Variants in FAM120C observed in about 807,000 individuals in gnomAD.
The protein encoded by FAM120C is constitutive coactivator of PPAR-gamma-like protein 2.
In FAM120C, 14 loss-of-function variants were observed where a neutral mutation model predicts 71.2. That is an observed-to-expected ratio of 0.20 (90% CI 0.13 to 0.31). The LOEUF (loss-of-function observed/expected upper bound fraction) is 0.31. Ranked by LOEUF, FAM120C falls within the 10% of genes least tolerant of loss-of-function variation. The pLI, the probability that FAM120C is intolerant of heterozygous loss-of-function variation, is 1.00. For missense variants in FAM120C, 500 were observed against 879.0 expected, an observed-to-expected ratio of 0.57 and a Z score of 5.45; for synonymous variants, 354 against 353.2, an observed-to-expected ratio of 1.00 and a Z score of -0.03.
At chrX:54,132,636 G>C in intron 9 of FAM120C, 56 bp downstream of exon 9, 1 of 1,030,332 alleles carries the variant, frequency 9.7e-7, no homozygotes, top group South Asian at 2.5e-5. Context: ...TGCCTGGACA[G>C]ACATATCTGC....
intron 9 of FAM120C, among the ~76,000 whole-genome samples, chrX:54,118,803 C>G (rs1280713254): frequency 1.8e-5 from 1 of 54,086 alleles, no homozygotes; most frequent in Non-Finnish European, 3.2e-5. Context: ...CATGCTGGTG[C>G]GCTGCACCCA....
At chrX:54,142,547 G>A (rs782523373) in intron 4 of FAM120C, among the ~76,000 whole-genome samples, 10 of 112,001 alleles carry the variant, frequency 8.9e-5, no homozygotes, top group Admixed American at 3.8e-4. Flanking sequence ...GGGGAGGGGC[G>A]TCCGCCATTG....
intron 9 of FAM120C, among the ~76,000 whole-genome samples, chrX:54,127,495 G>A: frequency 9.5e-6 from 1 of 105,110 alleles, no homozygotes; most frequent in Non-Finnish European, 1.9e-5. Flanking sequence ...GGAGGCTGAG[G>A]CAGGAGAATG....
chrX:54,083,610 G>T (rs2066779329), intron 13 of FAM120C, among the ~76,000 whole-genome samples: 1 of 110,654 alleles, frequency 9.0e-6, no homozygotes, highest in Middle Eastern at 4.7e-3. Context: ...ACTCCAGCCT[G>T]GGCGACAGAG....
At position 54,072,950 on chromosome X, in the gene FAM120C, A is replaced by T; in HGVS notation, c.*83T>A. ...CTGGAGAAATCTAGGGTAAGCATTT[A>T]TATCCTCCTCTAGCTTGGGCCTAAA... On this transcript the variant is annotated 3_prime_UTR_variant, in exon 16 of 16. Coordinates refer to ENST00000375180, the MANE Select transcript of FAM120C (RefSeq NM_017848.6). The T allele has an allele frequency of 9.3e-7, 1 of 1,080,354 alleles. No individual in the cohort carries two copies. 89.0% of individuals were successfully genotyped at this position (1,080,354 alleles called of 1,213,427 possible). A position where few individuals can be genotyped will look rare whatever the true frequency, so the allele number is the denominator to read the frequency against.
intron 1 of FAM120C, among the ~76,000 whole-genome samples, chrX:54,162,652 G>A (rs781980023): frequency 1.8e-5 from 2 of 111,821 alleles, no homozygotes; most frequent in South Asian, 3.7e-4. Context: ...TCATCTCAGC[G>A]TTTAACTTCT....
rs141196896 is a variant in FAM120C at position 54,141,315 on chromosome X, T to C, written c.1159-4725A>G. Among the ~76,000 whole-genome samples, 751 of 111,551 alleles carry C rather than the reference T, an allele frequency of 6.7e-3. 10 individuals carry two copies. Among genetic ancestry groups the C allele is most frequent in the African/African-American group, 0.023 (722 of 30,805 alleles). On this transcript the variant is annotated intron_variant, in intron 4 of 15. Coordinates refer to ENST00000375180, the MANE Select transcript of FAM120C (RefSeq NM_017848.6). Reference sequence around the variant, plus strand: ...CCAGCAATACAAAAAGGGACTAATATACTACAATCACATCCTGGGAATATA... The same window carrying C: ...CCAGCAATACAAAAAGGGACTAATACACTACAATCACATCCTGGGAATATA...
At position 54,132,768 on chromosome X, in the gene FAM120C, A is replaced by G; in HGVS notation, c.1986T>C (p.Tyr662=). The part of the protein sequence containing the change: ...LLFRSARQYV[Y]GVLFSLAETQ... ...TCTCTGCCAGACTAAAAAGAACTCC[A>G]TATACATATTGACGAGCTGACCGGA... The change falls in exon 9 of 16, where the codon TAT becomes TAC. Residue 662 remains tyrosine (Y), a synonymous_variant. Transcript: ENST00000375180. The G allele has an allele frequency of 1.7e-6, 2 of 1,209,980 alleles. No homozygotes were observed. The highest frequency in any genetic ancestry group is 2.2e-6 in the Non-Finnish European group (2 of 894,515).
intron 9 of FAM120C, among the ~76,000 whole-genome samples, chrX:54,125,612 C>G (rs782804943): frequency 8.8e-6 from 1 of 113,316 alleles, no homozygotes; most frequent in African/African-American, 3.2e-5. Context: ...GGCCTACAAT[C>G]TTAATTACTG....
intron 15 of FAM120C, among the ~76,000 whole-genome samples, 192 bp downstream of exon 15, chrX:54,080,040 C>T (rs1407384193): frequency 9.1e-6 from 1 of 110,225 alleles, no homozygotes; most frequent in Non-Finnish European, 1.9e-5. Flanking sequence ...GGGTAAGACT[C>T]GCAGCCCTGT....
chrX:54,178,494 T>G (rs782195325), intron 1 of FAM120C, among the ~76,000 whole-genome samples: 1 of 111,826 alleles, frequency 8.9e-6, no homozygotes, highest in South Asian at 3.7e-4. Flanking sequence ...TATCCACCAC[T>G]TACTAGTACT....
At chrX:54,104,823 A>G (rs781835788) in intron 10 of FAM120C, among the ~76,000 whole-genome samples, 49 of 110,565 alleles carry the variant, frequency 4.4e-4, no homozygotes, top group Non-Finnish European at 4.7e-4. Context: ...GGGAAAAAAA[A>G]GAAAAAGAAA....
chrX:54,159,761 CTTTTTTTT>C, intron 1 of FAM120C, 145 bp from the exon 2 acceptor site: 1 of 348,116 alleles, frequency 2.9e-6, no homozygotes, highest in Admixed American at 5.5e-5. Context: ...ACATTTTTTA[CTTTTTTTT>C]TTTTTTTTTT....
chrX:54,077,393 G>A (rs1357548398), intron 15 of FAM120C, among the ~76,000 whole-genome samples: 1 of 111,740 alleles, frequency 8.9e-6, no homozygotes, highest in Non-Finnish European at 1.9e-5. Flanking sequence ...ATTTCCTCCT[G>A]TTTAAAATGG....
At chrX:54,073,695 G>A (rs956093815) in intron 15 of FAM120C, among the ~76,000 whole-genome samples, 1 of 111,230 alleles carries the variant, frequency 9.0e-6, no homozygotes, top group South Asian at 3.7e-4. Context: ...GCCTCCCAAA[G>A]TGCTGGGATT....
chrX:54,089,946 C>T (rs1344353770), intron 11 of FAM120C, among the ~76,000 whole-genome samples: 1 of 108,121 alleles, frequency 9.2e-6, no homozygotes, highest in East Asian at 2.9e-4. Flanking sequence ...GCAGCAAGAG[C>T]GAAACTCCAT....
intron 10 of FAM120C, among the ~76,000 whole-genome samples, chrX:54,098,495 A>T (rs1320293342): frequency 9.0e-6 from 1 of 111,105 alleles, no homozygotes; most frequent in African/African-American, 3.3e-5. Context: ...CTCCCACCCG[A>T]TCCCTTGTCT....
intron 4 of FAM120C, among the ~76,000 whole-genome samples, chrX:54,146,350 G>A (rs918243866): frequency 7.2e-5 from 8 of 110,479 alleles, no homozygotes; most frequent in Admixed American, 9.7e-5. Flanking sequence ...AAATTTATAC[G>A]GAAAGACAAA....
At chrX:54,138,152 G>A (rs782635037) in intron 4 of FAM120C, among the ~76,000 whole-genome samples, 14 of 111,606 alleles carry the variant, frequency 1.3e-4, no homozygotes, top group African/African-American at 4.5e-4. Flanking sequence ...TGATATACAC[G>A]ATAATATGTG....
Sources: gnomAD v4.1 joint callset for allele counts (sites outside exome capture counted in the v4.1 genomes callset) on GRCh38, gnomAD v4.1.1 for gene constraint, MANE v1.5 for transcripts, NCBI Gene and HGNC (gene_info 2026-07-23, HGNC 2026-07-21) for gene names.